The following GRIK1 variants were observed in gnomAD, a reference collection of about 807,000 sequenced individuals.
The protein encoded by GRIK1 is glutamate receptor ionotropic, kainate 1.
In GRIK1, 69 loss-of-function variants were observed where a neutral mutation model predicts 105.7. The observed-to-expected ratio is 0.65, with a 90% CI of 0.54 to 0.80. GRIK1 has a LOEUF of 0.80. Among genes scored for constraint, GRIK1 ranks in the 30% least tolerant of loss-of-function variants. The pLI is 0.00. For missense variants in GRIK1, 1,109 were observed against 1,167.3 expected (o/e 0.95, Z 0.73); for synonymous variants, 438 against 431.3 (o/e 1.02, Z -0.19).
At chr21:29,727,505 G>C (rs557045733) in intron 1 of GRIK1, among the ~76,000 whole-genome samples, 1 of 152,282 alleles carries the variant, frequency 6.6e-6, no homozygotes, top group Non-Finnish European at 1.5e-5. Context: ...GCCAGTATCT[G>C]AGGAGAGGGC....
At chr21:29,867,993 A>G in intron 1 of GRIK1, among the ~76,000 whole-genome samples, 1 of 142,874 alleles carries the variant, frequency 7.0e-6, no homozygotes, top group African/African-American at 2.7e-5. Context: ...AGAGGAGAGA[A>G]GGAGAGAAAG....
At chr21:29,784,033 C>T (rs897024559) in intron 1 of GRIK1, among the ~76,000 whole-genome samples, 1 of 152,098 alleles carries the variant, frequency 6.6e-6, no homozygotes, top group Non-Finnish European at 1.5e-5. Flanking sequence ...CCCGGGTTCA[C>T]GCCATTCTCC....
At chr21:29,928,306 A>C (rs1011500313) in intron 1 of GRIK1, among the ~76,000 whole-genome samples, 1 of 152,200 alleles carries the variant, frequency 6.6e-6, no homozygotes, top group Non-Finnish European at 1.5e-5. Context: ...TAAATACCAC[A>C]GCAGTATTTA....
intron 1 of GRIK1, among the ~76,000 whole-genome samples, chr21:29,842,470 T>G (rs2068008829): frequency 6.6e-6 from 1 of 152,176 alleles, no homozygotes; most frequent in African/African-American, 2.4e-5. Context: ...TTACTAGAAA[T>G]TTTCAAAAGT....
intron 1 of GRIK1, among the ~76,000 whole-genome samples, chr21:29,700,379 C>T (rs2063788798): frequency 6.6e-6 from 1 of 152,172 alleles, no homozygotes; most frequent in Non-Finnish European, 1.5e-5. Context: ...TCTACAACTG[C>T]TGGGTCAACA....
chr21:29,846,126 C>A (rs1463635776), intron 1 of GRIK1, among the ~76,000 whole-genome samples: 1 of 152,102 alleles, frequency 6.6e-6, no homozygotes, highest in African/African-American at 2.4e-5. Context: ...TGCAGTGGCT[C>A]ACGCCTGTAA....
intron 1 of GRIK1, among the ~76,000 whole-genome samples, chr21:29,758,095 C>T (rs2065398134): frequency 6.6e-6 from 1 of 152,166 alleles, no homozygotes; most frequent in African/African-American, 2.4e-5. Flanking sequence ...GCTACTGGAG[C>T]CACATTCCAT....
At chr21:29,564,704 A>G (rs1016493145) in intron 14 of GRIK1, among the ~76,000 whole-genome samples, 1 of 152,182 alleles carries the variant, frequency 6.6e-6, no homozygotes, top group Non-Finnish European at 1.5e-5. Context: ...GTCCTCCTGC[A>G]TGGGACGAAT....
At chr21:29,924,334 CAAAA>C (rs1226055845) in intron 1 of GRIK1, among the ~76,000 whole-genome samples, 1 of 79,910 alleles carries the variant, frequency 1.3e-5, no homozygotes. Flanking sequence ...GAGACTGGCT[CAAAA>C]AAAAAAAAAA....
intron 1 of GRIK1, among the ~76,000 whole-genome samples, chr21:29,772,781 G>A (rs913654452): frequency 6.6e-6 from 1 of 152,106 alleles, no homozygotes; most frequent in Non-Finnish European, 1.5e-5. Context: ...AAAGTAGATG[G>A]GCCCATTTTC....
chr21:29,723,590 A>G (rs887967354), intron 1 of GRIK1, among the ~76,000 whole-genome samples: 1 of 152,222 alleles, frequency 6.6e-6, no homozygotes, highest in Admixed American at 6.5e-5. Flanking sequence ...TTGTTTTAAT[A>G]CACTTCCAGT....
intron 1 of GRIK1, among the ~76,000 whole-genome samples, chr21:29,928,902 T>C (rs2071474143): frequency 6.6e-6 from 1 of 152,144 alleles, no homozygotes; most frequent in South Asian, 2.1e-4. Context: ...CAAAATAATT[T>C]ACATTTGAAA....
Position 29,579,999 on chromosome 21 carries a change from ATATATATG to A in GRIK1, c.1912+1418_1912+1425del, listed in dbSNP as rs1319340276. On this transcript the variant is annotated intron_variant, in intron 13 of 17. Coordinates refer to ENST00000327783, the MANE Select transcript of GRIK1 (RefSeq NM_001330994.2). The stretch of plus-strand genomic sequence containing the variant: ...TATATATATGTGTGTATATATATGT[ATATATATG>A]TATATATATGTGTATATATGTATAT... Among the ~76,000 whole-genome samples the A allele has an allele frequency of 6.9e-5, 10 of 145,582 alleles. No individual in the cohort carries two copies. The East Asian group carries it at 1.8e-3, about 26-fold the overall frequency.
At chr21:29,769,583 C>T (rs919959410) in intron 1 of GRIK1, among the ~76,000 whole-genome samples, 1 of 152,076 alleles carries the variant, frequency 6.6e-6, no homozygotes, top group Non-Finnish European at 1.5e-5. Flanking sequence ...ATCTAATGTC[C>T]CCGCTGATCT....
intron 4 of GRIK1, among the ~76,000 whole-genome samples, chr21:29,662,389 C>A (rs139612435): frequency 1.2e-3 from 189 of 152,268 alleles, no homozygotes; most frequent in African/African-American, 4.4e-3. Flanking sequence ...TAAAAAATAA[C>A]CTCTCTGCAA....
At chr21:29,794,631 A>G (rs1047420233) in intron 1 of GRIK1, among the ~76,000 whole-genome samples, 1 of 152,156 alleles carries the variant, frequency 6.6e-6, no homozygotes, top group African/African-American at 2.4e-5. Context: ...AGTTGCATAT[A>G]TTATGTGTTA....
chr21:29,723,426 TA>T (rs1235986204), intron 1 of GRIK1, among the ~76,000 whole-genome samples: 4 of 152,254 alleles, frequency 2.6e-5, no homozygotes, highest in Non-Finnish European at 5.9e-5. Context: ...GCTATTGAGC[TA>T]TATTTATCTT....
At chr21:29,620,575 A>G (rs998883450) in intron 7 of GRIK1, among the ~76,000 whole-genome samples, 1 of 151,626 alleles carries the variant, frequency 6.6e-6, no homozygotes, top group Non-Finnish European at 1.5e-5. Flanking sequence ...TCTCTTTAGG[A>G]TAAGCTGGAC....
intron 1 of GRIK1, among the ~76,000 whole-genome samples, chr21:29,777,641 C>T (rs953353143): frequency 6.6e-6 from 1 of 152,154 alleles, no homozygotes; most frequent in African/African-American, 2.4e-5. Context: ...TCTGGTGATA[C>T]TGAAAACCAT....
Sources: allele counts gnomAD v4.1 joint callset (sites outside exome capture counted in the v4.1 genomes callset), GRCh38; gene constraint gnomAD v4.1.1; transcripts MANE v1.5; gene names NCBI Gene and HGNC (gene_info 2026-07-23, HGNC 2026-07-21).